URGCP: variants seen among roughly 807,000 people sequenced by gnomAD.
URGCP encodes up-regulator of cell proliferation.
A neutral mutation model predicts 24.6 loss-of-function variants in URGCP; 13 were observed. The observed-to-expected ratio is 0.53, with a 90% CI of 0.34 to 0.84. URGCP has a LOEUF of 0.84. Ranked by LOEUF, URGCP falls within the 40% of genes least tolerant of loss-of-function variation. The pLI is 0.01. For synonymous variants in URGCP, 444 were observed against 487.2 expected, an observed-to-expected ratio of 0.91 and a Z score of 1.17; for missense variants, 899 against 1,194.3, an observed-to-expected ratio of 0.75 and a Z score of 3.64.
At chr7:43,893,973 T>C (rs1391215542) in intron 1 of URGCP, among the ~76,000 whole-genome samples, 4 of 151,798 alleles carry the variant, frequency 2.6e-5, no homozygotes, top group African/African-American at 9.7e-5. Flanking sequence ...AGACTTTACA[T>C]GAAAAAACAA....
intron 1 of URGCP, among the ~76,000 whole-genome samples, chr7:43,900,349 G>C (rs2095887894): frequency 6.6e-6 from 1 of 151,340 alleles, no homozygotes; most frequent in Admixed American, 6.6e-5. Flanking sequence ...CAGCTACTCA[G>C]GAGGCTGAGG....
Position 43,878,153 on chromosome 7 carries a change from T to C in URGCP, c.1310A>G (p.Asn437Ser), listed in dbSNP as rs748483666. The C allele has an allele frequency of 6.2e-7, 1 of 1,614,100 alleles. No homozygotes were observed. The highest frequency in any genetic ancestry group is 8.5e-7 in the Non-Finnish European group (1 of 1,180,050). ...CCGCCTGCAGGGTGCCCGCAGCACA[T>C]TCCCAACGATGGCCCGGATCCTCTT... ...FVKRIRAIVG[N>S]VLRAPCRRVS... The change falls in exon 6 of 6, where the codon AAT becomes AGT. Residue 437 changes from asparagine to serine, a missense_variant. Transcript: ENST00000453200. The surrounding 1 kb of genome is among the most constrained non-coding windows in gnomAD (Gnocchi z 5.6).
At chr7:43,915,039 A>G (rs1277484938) in intron 1 of URGCP, among the ~76,000 whole-genome samples, 1 of 152,188 alleles carries the variant, frequency 6.6e-6, no homozygotes, top group Non-Finnish European at 1.5e-5. Flanking sequence ...ATGCTGGGAG[A>G]GGAGCCTGGC....
upstream of URGCP, among the ~76,000 whole-genome samples, chr7:43,910,182 C>T (rs564824871): frequency 6.6e-6 from 1 of 152,284 alleles, no homozygotes; most frequent in South Asian, 2.1e-4. Context: ...CAAGACCAGC[C>T]TGGGCAACAT....
In URGCP at chr7:43,878,401, G is replaced by T; in HGVS notation, c.1062C>A (p.Ile354=). 1.2e-6 allele frequency: 2 copies of T among 1,614,224 alleles called. No homozygotes were observed. The highest frequency in any genetic ancestry group is 1.7e-6 in the Non-Finnish European group (2 of 1,180,046). ...CAGTCAATATAAACACAGCGGAGGA[G>T]ATTTCTGTCAAGAGCTTAAACTGCA... ...HWLQFKLLTE[I]SSAVFILTDN... The change falls in exon 6 of 6, where the codon ATC becomes ATA. Residue 354 remains isoleucine, a synonymous_variant. Coordinates refer to ENST00000453200, the MANE Select transcript of URGCP (RefSeq NM_001077663.3). The surrounding 1 kb of genome is among the most constrained non-coding windows in gnomAD (Gnocchi z 5.6).
chr7:43,926,507 G>A (rs746625519), upstream of URGCP: 5 of 1,515,206 alleles, frequency 3.3e-6, no homozygotes, highest in African/African-American at 2.9e-5. Context: ...CGGCCGGGCC[G>A]CCCGGGTCCC....
intron 1 of URGCP, among the ~76,000 whole-genome samples, chr7:43,922,966 C>CCT (rs1022577925): frequency 6.8e-6 from 1 of 148,014 alleles, no homozygotes; most frequent in Non-Finnish European, 1.5e-5. Flanking sequence ...CTCTCTTTCT[C>CCT]CTCTCTCTCT....
chr7:43,878,004 C>T lies in URGCP; in HGVS notation c.1459G>A (p.Asp487Asn), dbSNP rs1562571107. 5.6e-6 allele frequency: 9 copies of T among 1,614,258 alleles called. No homozygotes were observed. The highest frequency in any genetic ancestry group is 6.8e-6 in the Non-Finnish European group (8 of 1,180,044). Reference protein sequence around the residue: ...ERITRKIKDSDAYRRDELRLQ... With the variant: ...ERITRKIKDSNAYRRDELRLQ... ...CTCAGCTCGTCCCTTCTGTAGGCAT[C>T]CGAGTCTTTGATTTTCCTGGTAATC... The change falls in exon 6 of 6, where the codon GAT becomes AAT. Residue 487 changes from aspartate to asparagine, a missense_variant. By Grantham distance (23) the Asp-to-Asn change is conservative (BLOSUM62 1). Transcript: ENST00000453200. The surrounding 1 kb of genome is among the most constrained non-coding windows in gnomAD (Gnocchi z 5.6).
Position 43,881,673 on chromosome 7 carries a change from T to C in URGCP, c.188A>G (p.Asn63Ser). 1.9e-6 allele frequency: 3 copies of C among 1,614,092 alleles called. No homozygotes were observed. The highest frequency in any genetic ancestry group is 1.1e-5 in the South Asian group (1 of 91,068). The part of the protein sequence containing the change: ...YGDGTNEAQD[N>S]DFPTVERSRL... Reference sequence around the variant, plus strand: ...AAAATGCTTACCTGTTGGAAAATCATTGTCCTGAGCCTCATTTGTACCATC... The same window carrying C: ...AAAATGCTTACCTGTTGGAAAATCACTGTCCTGAGCCTCATTTGTACCATC... Residue 63 changes from asparagine (N) to serine (S), a missense_variant, in exon 5 of 6, where the codon AAT becomes AGT. Coordinates refer to ENST00000453200, the MANE Select transcript of URGCP (RefSeq NM_001077663.3).
At chr7:43,900,158 G>GAA (rs917800548) in intron 1 of URGCP, among the ~76,000 whole-genome samples, 1 of 145,054 alleles carries the variant, frequency 6.9e-6, no homozygotes, top group African/African-American at 2.5e-5. Flanking sequence ...AAGAAAGAAA[G>GAA]AAAAAAAAAA....
At position 43,882,097 on chromosome 7, in the gene URGCP, A is replaced by C. The variant is rs568563133; in HGVS notation, c.113-140T>G. ...AGGAGTGCTTGAGTCCAGGAGTTTG[A>C]GACCAGCCTGGGCAACAAAGCAAGA... On this transcript the variant is annotated intron_variant, in intron 3 of 5. Coordinates refer to ENST00000453200, the MANE Select transcript of URGCP (RefSeq NM_001077663.3). 47 of 1,426,820 alleles carry C rather than the reference A, an allele frequency of 3.3e-5. 1 individual carries two copies. The East Asian group carries it at 6.9e-4, about 21-fold the overall frequency. 88.4% of individuals were successfully genotyped at this position (1,426,820 alleles called of 1,614,324 possible). A position where few individuals can be genotyped will look rare whatever the true frequency, so the allele number is the denominator to read the frequency against.
chr7:43,889,857 C>G (rs907314887), intron 1 of URGCP, among the ~76,000 whole-genome samples: 5 of 152,192 alleles, frequency 3.3e-5, no homozygotes, highest in Non-Finnish European at 7.3e-5. Context: ...GACCCTTTCC[C>G]CATATCCTTC....
intron 1 of URGCP, chr7:43,920,006 TACC>T: frequency 7.5e-7 from 1 of 1,330,100 alleles, no homozygotes; most frequent in Non-Finnish European, 1.1e-6. Context: ...CATGGATGAG[TACC>T]ACATGGCCAC....
At chr7:43,918,158 C>T (rs1200985452) in intron 1 of URGCP, among the ~76,000 whole-genome samples, 1 of 150,076 alleles carries the variant, frequency 6.7e-6, no homozygotes, top group East Asian at 2.0e-4. Context: ...CCTGTAATCC[C>T]AGCTACTCAG....
chr7:43,907,379 T>G (rs2095905177), upstream of URGCP, among the ~76,000 whole-genome samples: 3 of 152,148 alleles, frequency 2.0e-5, no homozygotes, highest in South Asian at 6.2e-4. Flanking sequence ...ACGTCTGTAA[T>G]CCCACCACTT....
chr7:43,908,740 T>A (rs2095906896), upstream of URGCP, among the ~76,000 whole-genome samples: 1 of 152,230 alleles, frequency 6.6e-6, no homozygotes, highest in Non-Finnish European at 1.5e-5. Flanking sequence ...TCCCCTCCTG[T>A]AAGTTGTTTT....
chr7:43,881,645 G>A lies in URGCP; in HGVS notation c.202+14C>T, dbSNP rs1367079712. ...TTTCATAGAACAGAGAGAAAAGGCA[G>A]AGAAAATGCTTACCTGTTGGAAAAT... On this transcript the variant is annotated intron_variant, in intron 5 of 5. Coordinates refer to ENST00000453200, the MANE Select transcript of URGCP (RefSeq NM_001077663.3). 6.2e-7 allele frequency: 1 copy of A among 1,614,082 alleles called. No individual in the cohort carries two copies. Among genetic ancestry groups the A allele is most frequent in the Middle Eastern group, 1.6e-4 (1 of 6,062 alleles).
At position 43,879,406 on chromosome 7, in the gene URGCP, G is replaced by A. The variant is rs961423930; in HGVS notation, c.203-146C>T. On this transcript the variant is annotated intron_variant, in intron 5 of 5. Coordinates refer to ENST00000453200, the MANE Select transcript of URGCP (RefSeq NM_001077663.3). ...AGTGCAGGCACAGGAGGCTCAGGGT[G>A]TGCTCAAGGCTGACCTGAGATCAAG... The A allele has an allele frequency of 1.7e-5, 16 of 965,250 alleles. No individual in the cohort carries two copies. The African/African-American group carries it at 2.0e-4, about 12-fold the overall frequency. 59.8% of individuals were successfully genotyped at this position (965,250 alleles called of 1,614,324 possible).
intron 1 of URGCP, among the ~76,000 whole-genome samples, chr7:43,895,936 ACTGT>A (rs1455609265): frequency 1.3e-5 from 2 of 152,252 alleles, no homozygotes; most frequent in African/African-American, 4.8e-5. Context: ...AATCAATGTA[ACTGT>A]CTATCAACAT....
Sources: gnomAD v4.1 joint callset for allele counts (sites outside exome capture counted in the v4.1 genomes callset) on GRCh38, gnomAD v4.1.1 for gene constraint, Gnocchi (gnomAD v3.1) non-coding constraint, MANE v1.5 for transcripts, NCBI Gene and HGNC (gene_info 2026-07-23, HGNC 2026-07-21) for gene names.